Variants in BACH1 observed in about 807,000 individuals in gnomAD.
BACH1 encodes BTB domain and CNC homolog 1.
BACH1 carries 35 observed loss-of-function variants against 52.9 expected under a neutral mutation model. The ratio of observed to expected loss-of-function variants is 0.66; its 90% confidence interval spans 0.51 to 0.88. The LOEUF (loss-of-function observed/expected upper bound fraction) is 0.88, where lower values mean the gene tolerates loss of function less well. Among genes scored for constraint, BACH1 ranks in the 40% least tolerant of loss-of-function variants. The pLI, the probability that BACH1 is intolerant of heterozygous loss-of-function variation, is 0.00. For missense variants in BACH1, 808 were observed against 872.6 expected (o/e 0.93, Z 0.93); for synonymous variants, 321 against 319.6 (o/e 1.00, Z -0.05).
chr21:29,315,633 C>A (rs2088777681), intron 1 of BACH1, among the ~76,000 whole-genome samples: 1 of 152,192 alleles, frequency 6.6e-6, no homozygotes, highest in South Asian at 2.1e-4. Context: ...ACCACACACA[C>A]ACACACCCTT....
chr21:29,338,092 A>C (rs2089067235), intron 4 of BACH1, among the ~76,000 whole-genome samples: 1 of 152,188 alleles, frequency 6.6e-6, no homozygotes, highest in Admixed American at 6.5e-5. Flanking sequence ...AAAAGAAAGG[A>C]TGTGGAACAA....
intron 2 of BACH1, among the ~76,000 whole-genome samples, chr21:29,323,900 T>TGC (rs1193287000): frequency 6.6e-6 from 1 of 152,160 alleles, no homozygotes; most frequent in East Asian, 1.9e-4. Context: ...CATGTGTGTG[T>TGC]GCGGGTTAAG....
At chr21:29,304,657 A>G (rs2088636167) in intron 1 of BACH1, among the ~76,000 whole-genome samples, 1 of 151,928 alleles carries the variant, frequency 6.6e-6, no homozygotes, top group Non-Finnish European at 1.5e-5. Context: ...CCCTCCCCCT[A>G]CACACCTTTT....
chr21:29,350,300 G>A (rs1242068520), downstream of BACH1, among the ~76,000 whole-genome samples: 7 of 152,128 alleles, frequency 4.6e-5, no homozygotes, highest in East Asian at 1.9e-4. Context: ...ATACAATGCC[G>A]CCCTGCCAAA....
In BACH1 at chr21:29,326,205, A is replaced by AT; in HGVS notation, c.384dup (p.Lys129Ter). 1 of 1,614,234 alleles carries AT rather than the reference A, an allele frequency of 6.2e-7. No individual in the cohort carries two copies. Among genetic ancestry groups the AT allele is most frequent in the Non-Finnish European group, 8.5e-7 (1 of 1,180,040 alleles). ...AGGAATCCTGCTTTCAGTTTCTGAA[A>AT]TTTAAGTTTTTGGACTCCACTGCAG... is the stretch of plus-strand genomic sequence containing the variant. On this transcript the variant is annotated frameshift_variant, in exon 3 of 5. Transcript: ENST00000286800. LOFTEE classifies it high-confidence loss of function.
chr21:29,321,631 G>T, intron 2 of BACH1, 117 bp downstream of exon 2: 20 of 812,774 alleles, frequency 2.5e-5, no homozygotes, highest in South Asian at 7.7e-5. Flanking sequence ...CATTTCCCAG[G>T]TTCTGTGCAA....
Position 29,326,764 on chromosome 21 carries a change from T to C in BACH1, c.940T>C (p.Ser314Pro), listed in dbSNP as rs35474725. 4.1e-3 allele frequency: 6,666 copies of C among 1,614,012 alleles called. 238 individuals are homozygous for C. In the African/African-American group the frequency reaches 0.078, roughly 19 times the overall value. The change falls in exon 3 of 5, where the codon TCC (serine) becomes CCC (proline). Residue 314 changes from serine (S) to proline (P), a missense_variant. By Grantham distance (74) the Ser-to-Pro change is moderately conservative. Transcript: ENST00000286800. ...AGTGACTCCTTTCCCCCACAATTCT[T>C]CCATAGACCCTCATGGACTTTATTC... ...SEVTPFPHNS[S>P]IDPHGLYSLS...
chr21:29,315,294 G>A (rs1194389089), intron 1 of BACH1, among the ~76,000 whole-genome samples: 1 of 152,128 alleles, frequency 6.6e-6, no homozygotes, highest in African/African-American at 2.4e-5. Context: ...GCTTAGGGGA[G>A]TTTGAAGCTT....
Position 29,327,209 on chromosome 21 carries a change from C to G in BACH1, c.1385C>G (p.Pro462Arg). The change falls in exon 3 of 5, where the codon CCT becomes CGT. Residue 462 changes from proline to arginine, a missense_variant. Coordinates refer to ENST00000286800, the MANE Select transcript of BACH1 (RefSeq NM_001186.4). The stretch of plus-strand genomic sequence containing the variant: ...ACAACATTAAGTTCTGTCAACTGCC[C>G]TTTTATAAGTACTCTGAGTACTGAA... The part of the protein sequence containing the change: ...TFTTLSSVNC[P>R]FISTLSTEGC... 2 of 1,614,126 alleles carry G rather than the reference C, an allele frequency of 1.2e-6. No homozygotes were observed. The highest frequency in any genetic ancestry group is 8.5e-7 in the Non-Finnish European group (1 of 1,180,026).
At chr21:29,304,300 T>A (rs1400935190) in intron 1 of BACH1, among the ~76,000 whole-genome samples, 1 of 151,920 alleles carries the variant, frequency 6.6e-6, no homozygotes, top group African/African-American at 2.4e-5. Flanking sequence ...CTAATTTTTG[T>A]GTTTTAGTAG....
chr21:29,353,929 G>A (rs1341792315), intron 2 of BACH1, among the ~76,000 whole-genome samples: 10 of 152,192 alleles, frequency 6.6e-5, no homozygotes, highest in Admixed American at 5.2e-4. Context: ...AGGACTGTTC[G>A]TCTGAGGTCA....
At chr21:29,310,587 T>C (rs2088709530) in intron 1 of BACH1, among the ~76,000 whole-genome samples, 1 of 152,244 alleles carries the variant, frequency 6.6e-6, no homozygotes, top group African/African-American at 2.4e-5. Flanking sequence ...GAAGTGATCG[T>C]GTCTCCATTG....
chr21:29,313,706 GA>G (rs1462808607), intron 1 of BACH1, among the ~76,000 whole-genome samples: 1 of 152,130 alleles, frequency 6.6e-6, no homozygotes, highest in East Asian at 1.9e-4. Flanking sequence ...AAAGAAACCC[GA>G]AGTAAGAGTA....
chr21:29,323,944 GTATCCACCACCATAGTTAA>G (rs990315076), intron 2 of BACH1, among the ~76,000 whole-genome samples: 33 of 152,208 alleles, frequency 2.2e-4, no homozygotes, highest in African/African-American at 7.7e-4. Flanking sequence ...GAAGGTTTGT[GTATCCACCACCATAGTTAA>G]GATAACAGCC....
chr21:29,315,262 G>A (rs535519121), intron 1 of BACH1, among the ~76,000 whole-genome samples: 27 of 152,184 alleles, frequency 1.8e-4, no homozygotes, highest in Non-Finnish European at 3.2e-4. Context: ...TATCTTAGGT[G>A]TATTGTAACA....
At chr21:29,359,069 A>G (rs1294409717) in intron 2 of BACH1, 1 of 152,096 alleles carries the variant, frequency 6.6e-6, no homozygotes, top group African/African-American at 2.4e-5. Context: ...TAGGACTATT[A>G]TTAATCCATA....
intron 2 of BACH1, among the ~76,000 whole-genome samples, chr21:29,324,050 G>A (rs1328816102): frequency 1.3e-5 from 2 of 151,880 alleles, no homozygotes; most frequent in African/African-American, 2.4e-5. Flanking sequence ...TCAGGAGTTC[G>A]AGACCAGCCT....
rs528784576 is a variant in BACH1, at chr21:29,334,212, C to T, written c.1776+4519C>T. ...TCCTAGGTTCACACCATTCACCTGC[C>T]TCGGCCTCCCGAGTAGCTGGGACTA... On this transcript the variant is annotated intron_variant, in intron 4 of 4. Transcript: ENST00000286800. Among the ~76,000 whole-genome samples, 11 of 152,118 alleles carry T rather than the reference C, an allele frequency of 7.2e-5. No homozygotes were observed. The South Asian group carries it at 2.3e-3, about 32-fold the overall frequency.
intron 1 of BACH1, among the ~76,000 whole-genome samples, chr21:29,314,203 C>T (rs2088760947): frequency 6.6e-6 from 1 of 152,162 alleles, no homozygotes; most frequent in South Asian, 2.1e-4. Context: ...ACAGTGGAAT[C>T]TGTTAGTCTT....
Sources: allele counts gnomAD v4.1 joint callset (sites outside exome capture counted in the v4.1 genomes callset), GRCh38; gene constraint gnomAD v4.1.1; transcripts MANE v1.5; gene names NCBI Gene and HGNC (gene_info 2026-07-23, HGNC 2026-07-21).